NRG1: variants seen among roughly 807,000 people sequenced by gnomAD.
NRG1 encodes the protein pro-neuregulin-1, membrane-bound isoform.
NRG1 carries 18 observed loss-of-function variants against 63.8 expected under a neutral mutation model. The observed-to-expected ratio is 0.28, with a 90% CI of 0.19 to 0.42. The LOEUF is 0.42. Among genes scored for constraint, NRG1 ranks in the 10% least tolerant of loss-of-function variants. The pLI, the probability that NRG1 is intolerant of heterozygous loss-of-function variation, is 1.00. For synonymous variants in NRG1, 302 were observed against 301.3 expected, an observed-to-expected ratio of 1.00 and a Z score of -0.02; for missense variants, 762 against 814.7, an observed-to-expected ratio of 0.94 and a Z score of 0.79.
intron 1 of NRG1, among the ~76,000 whole-genome samples, chr8:32,432,167 T>C (rs1425989479): frequency 3.3e-5 from 5 of 152,184 alleles, no homozygotes; most frequent in Admixed American, 1.3e-4. Context: ...ACACCTGGTA[T>C]AACTCCCATC....
chr8:32,401,025 G>A (rs116100734), intron 1 of NRG1, among the ~76,000 whole-genome samples: 2,530 of 152,240 alleles, frequency 0.017, 71 homozygotes, highest in African/African-American at 0.056. Flanking sequence ...ATTATCCTAA[G>A]CGGACTAACA....
chr8:31,785,796 T>C (rs1171764742), intron 1 of NRG1, among the ~76,000 whole-genome samples: 1 of 152,200 alleles, frequency 6.6e-6, no homozygotes, highest in Non-Finnish European at 1.5e-5. Context: ...GAAATTACCT[T>C]AATTCTATTT....
At chr8:32,164,611 A>G (rs1345506384) in intron 1 of NRG1, among the ~76,000 whole-genome samples, 2 of 152,194 alleles carry the variant, frequency 1.3e-5, no homozygotes, top group Non-Finnish European at 2.9e-5. Context: ...ACATTTTAAC[A>G]CTTTTTTAAA....
At chr8:32,681,120 A>G (rs1808503404) in intron 5 of NRG1, among the ~76,000 whole-genome samples, 1 of 152,196 alleles carries the variant, frequency 6.6e-6, no homozygotes. Flanking sequence ...GTAAGAGAGT[A>G]GGAATCAGAT....
rs150220851 is a variant in NRG1, at chr8:32,601,631, G to A, written c.279-3931G>A. 2.5e-3 allele frequency among the ~76,000 whole-genome samples: 377 copies of A among 151,894 alleles called. 1 individual carries two copies. The highest frequency in any genetic ancestry group is 8.9e-3 in the African/African-American group (368 of 41,426). ...TTTCATTCATAGTTGTCTGCCAGTG[G>A]GACCTCTGTTTCTTTAACATAATCC... On this transcript the variant is annotated intron_variant, in intron 2 of 11. Coordinates refer to ENST00000356819, the Ensembl canonical transcript of NRG1.
intron 1 of NRG1, among the ~76,000 whole-genome samples, chr8:31,725,926 G>A (rs1450804359): frequency 6.6e-6 from 1 of 152,010 alleles, no homozygotes; most frequent in Non-Finnish European, 1.5e-5. Context: ...ATGACTAATG[G>A]GAATCACAAA....
chr8:31,835,073 TA>T (rs1825569274), intron 1 of NRG1, among the ~76,000 whole-genome samples: 2 of 152,236 alleles, frequency 1.3e-5, no homozygotes, highest in African/African-American at 2.4e-5. Flanking sequence ...ATAATCATTG[TA>T]AAAAATGTTT....
Position 32,022,704 on chromosome 8 carries a change from G to C in NRG1, c.37+383273G>C, listed in dbSNP as rs1273819651. 2.0e-5 allele frequency among the ~76,000 whole-genome samples: 3 copies of C among 152,038 alleles called. No homozygotes were observed. In the East Asian group the frequency reaches 5.8e-4, roughly 29 times the overall value. Reference sequence around the variant, plus strand: ...TGGACCTGTTTAATGTTAGTCCTTAGATAAAAAATAATTGTAGCTCAAGAC... The same window carrying C: ...TGGACCTGTTTAATGTTAGTCCTTACATAAAAAATAATTGTAGCTCAAGAC... On this transcript the variant is annotated intron_variant, in intron 1 of 10. Transcript: ENST00000519301.
chr8:32,684,908 A>C (rs1475786544), intron 5 of NRG1, among the ~76,000 whole-genome samples: 1 of 152,184 alleles, frequency 6.6e-6, no homozygotes, highest in Admixed American at 6.5e-5. Context: ...TGAAAATTTA[A>C]ATATATTTTT....
chr8:31,780,922 C>T (rs1488183560), intron 1 of NRG1, among the ~76,000 whole-genome samples: 1 of 152,168 alleles, frequency 6.6e-6, no homozygotes, highest in Admixed American at 6.5e-5. Context: ...TTGATCCTAT[C>T]TGGCTTCAAT....
chr8:31,865,952 C>T (rs1481619), intron 1 of NRG1, among the ~76,000 whole-genome samples: 36,794 of 152,094 alleles, frequency 0.24, 5,733 homozygotes, highest in East Asian at 0.69. Flanking sequence ...TGATGCTCCA[C>T]GTTGAGGGAG....
intron 7 of NRG1, among the ~76,000 whole-genome samples, chr8:32,750,238 T>G (rs1010750230): frequency 1.3e-5 from 2 of 152,176 alleles, no homozygotes; most frequent in Non-Finnish European, 2.9e-5. Flanking sequence ...ATTCCAGTGG[T>G]AATGGAATTA....
chr8:32,508,595 C>A (rs1193870130), intron 1 of NRG1, among the ~76,000 whole-genome samples: 1 of 152,018 alleles, frequency 6.6e-6, no homozygotes, highest in African/African-American at 2.4e-5. Context: ...CCGCGCCTGG[C>A]CTAAGGGCTA....
At chr8:31,789,359 C>T (rs1349441385) in intron 1 of NRG1, among the ~76,000 whole-genome samples, 1 of 152,148 alleles carries the variant, frequency 6.6e-6, no homozygotes, top group African/African-American at 2.4e-5. Flanking sequence ...TTACTGATTA[C>T]CCTCATAAGA....
intron 1 of NRG1, among the ~76,000 whole-genome samples, chr8:31,826,539 C>T (rs1169140412): frequency 6.6e-6 from 1 of 152,182 alleles, no homozygotes; most frequent in Non-Finnish European, 1.5e-5. Flanking sequence ...TCCATTAATA[C>T]TCTTTTCTTT....
At chr8:32,376,497 G>A (rs1809644250) in intron 1 of NRG1, among the ~76,000 whole-genome samples, 1 of 152,176 alleles carries the variant, frequency 6.6e-6, no homozygotes, top group Non-Finnish European at 1.5e-5. Context: ...GCCAATAAGA[G>A]TTCGAGATCA....
intron 1 of NRG1, among the ~76,000 whole-genome samples, chr8:31,703,181 A>G (rs1300732543): frequency 1.3e-5 from 2 of 151,350 alleles, no homozygotes; most frequent in Non-Finnish European, 2.9e-5. Context: ...ATACCATGCT[A>G]TAAAATCTGT....
chr8:32,203,039 G>A (rs969941981), intron 1 of NRG1, among the ~76,000 whole-genome samples: 6 of 151,852 alleles, frequency 4.0e-5, no homozygotes, highest in African/African-American at 1.5e-4. Context: ...AACTACATAT[G>A]ACTCTCAAGT....
At chr8:31,918,939 A>C (rs1270990584) in intron 1 of NRG1, among the ~76,000 whole-genome samples, 1 of 152,104 alleles carries the variant, frequency 6.6e-6, no homozygotes, top group Non-Finnish European at 1.5e-5. Context: ...GGGAGAGTGT[A>C]TGTGTCGAGG....
Sources: gnomAD v4.1 joint callset for allele counts (sites outside exome capture counted in the v4.1 genomes callset) on GRCh38, gnomAD v4.1.1 for gene constraint, MANE v1.5 for transcripts, NCBI Gene and HGNC (gene_info 2026-07-23, HGNC 2026-07-21) for gene names.